MAPK6: variants seen among roughly 807,000 people sequenced by gnomAD.
MAPK6 encodes the protein ERK-3.
Under a neutral mutation model 59.3 loss-of-function variants are expected in MAPK6, and 19 were observed. The observed-to-expected ratio is 0.32, with a 90% CI of 0.22 to 0.47. The LOEUF (loss-of-function observed/expected upper bound fraction) is 0.47. Ranked by LOEUF, MAPK6 falls within the 20% of genes least tolerant of loss-of-function variation. The pLI is 1.00. For missense variants in MAPK6, 724 were observed against 847.9 expected (o/e 0.85, Z 1.81); for synonymous variants, 316 against 290.3 (o/e 1.09, Z -0.90).
rs756185785 is a variant in MAPK6, at chr15:52,064,277, A to G, written c.1443A>G (p.Glu481=). The G allele has an allele frequency of 2.5e-6, 4 of 1,610,694 alleles. No individual in the cohort carries two copies. In the South Asian group the frequency reaches 4.4e-5, roughly 18 times the overall value. The change falls in exon 6 of 6, where the codon GAA becomes GAG. Residue 481 remains glutamate, a synonymous_variant. Transcript: ENST00000261845. ...KLIIDLSNWK[E]QSKEKSDKKG... is the part of the protein sequence containing the mutation. Reference sequence around the variant, plus strand: ...TTATAGATCTTTCCAATTGGAAAGAACAAAGCAAAGAAAAATCTGATAAGA... The same window carrying G: ...TTATAGATCTTTCCAATTGGAAAGAGCAAAGCAAAGAAAAATCTGATAAGA...
chr15:52,053,928 T>C (rs1010425834), intron 3 of MAPK6, among the ~76,000 whole-genome samples: 1 of 151,768 alleles, frequency 6.6e-6, no homozygotes, highest in Non-Finnish European at 1.5e-5. Context: ...TGAGCCACTA[T>C]GCCAGGCCTG....
At chr15:52,001,744 A>C (rs2057242634) in intron 2 of MAPK6, among the ~76,000 whole-genome samples, 1 of 152,000 alleles carries the variant, frequency 6.6e-6, no homozygotes, top group Admixed American at 6.6e-5. Context: ...CCTGGCCTTA[A>C]ATGATCTGCC....
intron 3 of MAPK6, among the ~76,000 whole-genome samples, chr15:52,056,041 C>G (rs1223727480): frequency 1.3e-5 from 2 of 151,988 alleles, no homozygotes; most frequent in African/African-American, 4.8e-5. Context: ...AATAAAAACA[C>G]GAAGGGAAAT....
intron 1 of MAPK6, among the ~76,000 whole-genome samples, chr15:51,981,846 C>T (rs967035921): frequency 4.7e-5 from 7 of 150,532 alleles, no homozygotes; most frequent in African/African-American, 1.2e-4. Context: ...ATAAGAAAAA[C>T]GATATGCAGA....
chr15:52,020,519 G>A (rs1024705588), intron 1 of MAPK6, among the ~76,000 whole-genome samples: 1 of 151,900 alleles, frequency 6.6e-6, no homozygotes, highest in Non-Finnish European at 1.5e-5. Flanking sequence ...GCCATACAAT[G>A]AAGAGCAAGC....
intron 2 of MAPK6, among the ~76,000 whole-genome samples, chr15:51,992,315 T>C: frequency 7.4e-6 from 1 of 135,072 alleles, no homozygotes; most frequent in East Asian, 2.1e-4. Context: ...ATTTTTTTTT[T>C]TTTTGAGACA....
chr15:52,059,489 G>A (rs535408432), intron 4 of MAPK6, among the ~76,000 whole-genome samples: 1 of 152,206 alleles, frequency 6.6e-6, no homozygotes, highest in South Asian at 2.1e-4. Context: ...TGGGGAACAG[G>A]GTGGGTGTCT....
Position 52,066,070 on chromosome 15 carries a change from T to G in MAPK6, c.*1070T>G, listed in dbSNP as rs2032413696. ...AAGTTGTACATGATAAGACATTTTG[T>G]TTTTACTGTATGTTTTTACTGAATG... On this transcript the variant is annotated 3_prime_UTR_variant, in exon 6 of 6. Coordinates refer to ENST00000261845, the MANE Select transcript of MAPK6 (RefSeq NM_002748.4). 6.6e-6 allele frequency: 1 copy of G among 152,646 alleles called. No homozygotes were observed. The highest frequency in any genetic ancestry group is 2.4e-5 in the African/African-American group (1 of 41,456). 9.5% of individuals were successfully genotyped at this position (152,646 alleles called of 1,614,324 possible).
chr15:51,991,408 G>A (rs1312261537), intron 2 of MAPK6, among the ~76,000 whole-genome samples: 1 of 152,056 alleles, frequency 6.6e-6, no homozygotes, highest in South Asian at 2.1e-4. Flanking sequence ...AGAAAATTTA[G>A]GTCTCATGCC....
chr15:52,032,876 G>T (rs994549622), intron 1 of MAPK6, among the ~76,000 whole-genome samples: 1 of 152,034 alleles, frequency 6.6e-6, no homozygotes, highest in Non-Finnish European at 1.5e-5. Context: ...TAGAGATAGG[G>T]GTTTCTCCAT....
intron 1 of MAPK6, among the ~76,000 whole-genome samples, chr15:52,037,488 A>G (rs1209714885): frequency 6.6e-6 from 1 of 152,162 alleles, no homozygotes; most frequent in African/African-American, 2.4e-5. Flanking sequence ...GGCTGATAGG[A>G]CTTTTTAGAG....
At chr15:51,993,075 C>T (rs1052925229) in intron 2 of MAPK6, among the ~76,000 whole-genome samples, 1 of 152,272 alleles carries the variant, frequency 6.6e-6, no homozygotes, top group South Asian at 2.1e-4. Flanking sequence ...AAATTTCTAA[C>T]CCTCCAATCA....
chr15:52,050,185 G>A, intron 3 of MAPK6, 48 bp downstream of exon 3: 1 of 1,508,854 alleles, frequency 6.6e-7, no homozygotes, highest in Non-Finnish European at 9.0e-7. Context: ...AAGTAATTTT[G>A]CATTTTATCT....
chr15:52,033,206 TGATTG>T (rs2031107077), intron 1 of MAPK6, among the ~76,000 whole-genome samples: 1 of 152,200 alleles, frequency 6.6e-6, no homozygotes, highest in African/African-American at 2.4e-5. Context: ...AGTGTCAACT[TGATTG>T]GATTGAAGGA....
At chr15:52,048,659 T>TG (rs1158796021) in intron 2 of MAPK6, among the ~76,000 whole-genome samples, 1 of 152,106 alleles carries the variant, frequency 6.6e-6, no homozygotes, top group African/African-American at 2.4e-5. Context: ...GGAAGCGCGG[T>TG]GGCCCCTGCC....
At position 52,058,884 on chromosome 15, in the gene MAPK6, A is replaced by G. The variant is rs372523910; in HGVS notation, c.865+87A>G. Reference sequence around the variant, plus strand: ...GGAAGCTGGAGCTTTTTATCCTTAGATATGGGGCTTTCTCCAAAATAGTCT... The same window carrying G: ...GGAAGCTGGAGCTTTTTATCCTTAGGTATGGGGCTTTCTCCAAAATAGTCT... On this transcript the variant is annotated intron_variant, in intron 4 of 5. Coordinates refer to ENST00000261845, the MANE Select transcript of MAPK6 (RefSeq NM_002748.4). 178 of 1,128,880 alleles carry G rather than the reference A, an allele frequency of 1.6e-4. 6 individuals carry two copies. In the South Asian group the frequency reaches 1.9e-3, roughly 12 times the overall value. 69.9% of individuals were successfully genotyped at this position (1,128,880 alleles called of 1,614,324 possible). A position where few individuals can be genotyped will look rare whatever the true frequency, so the allele number is the denominator to read the frequency against.
At chr15:52,036,387 G>T (rs916477828) in intron 1 of MAPK6, among the ~76,000 whole-genome samples, 1 of 152,134 alleles carries the variant, frequency 6.6e-6, no homozygotes, top group Non-Finnish European at 1.5e-5. Context: ...ATAAAGAAGA[G>T]AAATTTATTT....
intron 2 of MAPK6, among the ~76,000 whole-genome samples, chr15:51,990,574 C>G (rs1194544461): frequency 6.6e-6 from 1 of 151,698 alleles, no homozygotes; most frequent in African/African-American, 2.4e-5. Context: ...CCAGTGCTTT[C>G]GGAGGCCGAG....
intron 1 of MAPK6, among the ~76,000 whole-genome samples, chr15:52,044,114 C>T (rs1482596927): frequency 6.6e-6 from 1 of 151,808 alleles, no homozygotes; most frequent in Non-Finnish European, 1.5e-5. Context: ...TCACAAACTT[C>T]AACTTTTAAG....
Sources: gnomAD v4.1 joint callset for allele counts (sites outside exome capture counted in the v4.1 genomes callset) on GRCh38, gnomAD v4.1.1 for gene constraint, MANE v1.5 for transcripts, NCBI Gene and HGNC (gene_info 2026-07-23, HGNC 2026-07-21) for gene names.